TMEM132D: variants seen among roughly 807,000 people sequenced by gnomAD.
TMEM132D encodes the protein transmembrane protein 132D, also known as mature OL transmembrane protein.
TMEM132D carries 21 observed loss-of-function variants against 62.3 expected under a neutral mutation model. The ratio of observed to expected loss-of-function variants is 0.34; its 90% CI spans 0.24 to 0.49. The LOEUF (loss-of-function observed/expected upper bound fraction) is 0.49, where lower values mean the gene tolerates loss of function less well. TMEM132D is among the 20% of genes least tolerant of loss of function. The pLI, the probability that TMEM132D is intolerant of heterozygous loss-of-function variation, is 0.99. For synonymous variants in TMEM132D, 621 were observed against 575.6 expected (o/e 1.08, Z -1.13); for missense variants, 1,346 against 1,402.8 (o/e 0.96, Z 0.65).
chr12:129,744,542 T>C (rs972206821), intron 1 of TMEM132D, among the ~76,000 whole-genome samples: 1 of 152,122 alleles, frequency 6.6e-6, no homozygotes, highest in African/African-American at 2.4e-5. Context: ...AATATCACAG[T>C]GTCATCAAGC....
chr12:129,466,157 T>C (rs774219859), intron 3 of TMEM132D, among the ~76,000 whole-genome samples: 3 of 152,218 alleles, frequency 2.0e-5, no homozygotes, highest in Non-Finnish European at 2.9e-5. Context: ...ATTGTTATCA[T>C]TATTTTCTGC....
At position 129,133,733 on chromosome 12, in the gene TMEM132D, C is replaced by T. The variant is rs570399836; in HGVS notation, c.1444-49031G>A. 9.2e-4 allele frequency among the ~76,000 whole-genome samples: 140 copies of T among 152,370 alleles called. 1 individual carries two copies. The highest frequency in any genetic ancestry group is 2.6e-3 in the African/African-American group (107 of 41,586). On this transcript the variant is annotated intron_variant, in intron 5 of 8. Transcript: ENST00000422113. ...AGGAATTTGGTGTGTGGTGGGCCCCCAGTCCCTGCATAGGCACTTGGCTCA... is the reference window on the plus strand; with the variant it reads ...AGGAATTTGGTGTGTGGTGGGCCCCTAGTCCCTGCATAGGCACTTGGCTCA...
intron 2 of TMEM132D, among the ~76,000 whole-genome samples, chr12:129,680,752 A>G (rs264509): frequency 0.65 from 99,209 of 152,078 alleles, 32,668 homozygotes; most frequent in Admixed American, 0.74. Context: ...GGATGGTGAC[A>G]CAGCCCAAGT....
chr12:129,620,739 C>CA (rs1279347616), intron 2 of TMEM132D, among the ~76,000 whole-genome samples: 1 of 152,224 alleles, frequency 6.6e-6, no homozygotes, highest in African/African-American at 2.4e-5. Flanking sequence ...CCAAACACCA[C>CA]ATGTTCTCAC....
At chr12:129,379,936 G>A (rs146114988) in intron 3 of TMEM132D, among the ~76,000 whole-genome samples, 310 of 152,288 alleles carry the variant, frequency 2.0e-3, no homozygotes, top group African/African-American at 7.2e-3. Flanking sequence ...GGTTGGAAAT[G>A]CCATAAGCAA....
chr12:129,707,771 G>A (rs1881541189), intron 1 of TMEM132D, among the ~76,000 whole-genome samples: 1 of 152,112 alleles, frequency 6.6e-6, no homozygotes, highest in South Asian at 2.1e-4. Flanking sequence ...AGATATTTGC[G>A]CTGGACGCAG....
chr12:129,207,366 A>ACCGCCCTCATGGAGTTTAGATTCCAATG (rs1363431517), intron 5 of TMEM132D, among the ~76,000 whole-genome samples: 1 of 152,232 alleles, frequency 6.6e-6, no homozygotes, highest in African/African-American at 2.4e-5. Context: ...TGAATACAAC[A>ACCGCCCTCATGGAGTTTAGATTCCAATG]AACAAAAATA....
chr12:129,402,209 C>T (rs1871644264), intron 3 of TMEM132D, among the ~76,000 whole-genome samples: 1 of 152,190 alleles, frequency 6.6e-6, no homozygotes, highest in Admixed American at 6.5e-5. Flanking sequence ...AGACGGGGAA[C>T]TCTTCTGAGA....
chr12:129,213,897 G>A (rs962019112), intron 4 of TMEM132D, among the ~76,000 whole-genome samples: 1 of 152,192 alleles, frequency 6.6e-6, no homozygotes, highest in Non-Finnish European at 1.5e-5. Context: ...GTGTGTAAAT[G>A]TGTATGTATC....
At chr12:129,344,720 T>C (rs1221227780) in intron 3 of TMEM132D, among the ~76,000 whole-genome samples, 1 of 152,096 alleles carries the variant, frequency 6.6e-6, no homozygotes, top group Admixed American at 6.6e-5. Context: ...ATGAATCAAT[T>C]TCTTGGTTGC....
intron 1 of TMEM132D, among the ~76,000 whole-genome samples, chr12:129,743,804 A>G (rs1483964144): frequency 6.6e-6 from 1 of 152,174 alleles, no homozygotes. Context: ...GAAAGAGGGG[A>G]CATCATAATG....
chr12:129,265,062 GA>G (rs547476870), intron 4 of TMEM132D, among the ~76,000 whole-genome samples: 3,931 of 151,022 alleles, frequency 0.026, 59 homozygotes, highest in African/African-American at 0.034. Context: ...ATAACTTATG[GA>G]AAAAAAAATC....
At chr12:129,374,660 G>A (rs375733389) in intron 3 of TMEM132D, among the ~76,000 whole-genome samples, 31 of 152,264 alleles carry the variant, frequency 2.0e-4, no homozygotes, top group African/African-American at 6.5e-4. Flanking sequence ...GAGGCTGCCC[G>A]TGAGTACTTC....
At chr12:129,455,609 G>GTAT (rs1290921181) in intron 3 of TMEM132D, among the ~76,000 whole-genome samples, 1 of 152,166 alleles carries the variant, frequency 6.6e-6, no homozygotes, top group Non-Finnish European at 1.5e-5. Context: ...ACTGGGTATT[G>GTAT]TATTATTACC....
chr12:129,089,434 C>T lies in TMEM132D; in HGVS notation c.1444-4732G>A, dbSNP rs1470097299. Among the ~76,000 whole-genome samples the T allele has an allele frequency of 2.6e-5, 2 of 76,108 alleles. 1 individual carries two copies. The highest frequency in any genetic ancestry group is 4.9e-5 in the Non-Finnish European group (2 of 40,432). The allele number at this position is 76,108 out of a possible 152,430, so 49.9% of individuals were successfully genotyped here. On this transcript the variant is annotated intron_variant, in intron 5 of 8. Coordinates refer to ENST00000422113, the MANE Select transcript of TMEM132D (RefSeq NM_133448.3). ...GGATGTCCTCCATGACCGGGGTGTCCTCCATGACCGGGGTGTCCTCTATGA... is the reference window on the plus strand; with the variant it reads ...GGATGTCCTCCATGACCGGGGTGTCTTCCATGACCGGGGTGTCCTCTATGA...
At chr12:129,377,283 A>C (rs528768484) in intron 3 of TMEM132D, among the ~76,000 whole-genome samples, 7 of 152,170 alleles carry the variant, frequency 4.6e-5, no homozygotes, top group Admixed American at 1.3e-4. Flanking sequence ...TCCAGCCTCC[A>C]GAACTGTGAG....
intron 1 of TMEM132D, among the ~76,000 whole-genome samples, chr12:129,817,988 G>A (rs115671773): frequency 2.1e-5 from 3 of 142,780 alleles, no homozygotes; most frequent in African/African-American, 7.5e-5. Flanking sequence ...TGTGGTGTGT[G>A]TGTGGTGTAA....
intron 1 of TMEM132D, among the ~76,000 whole-genome samples, chr12:129,701,353 TA>T (rs761320586): frequency 6.6e-4 from 101 of 151,970 alleles, no homozygotes; most frequent in Middle Eastern, 3.4e-3. Flanking sequence ...GCAGAGAAAA[TA>T]CCTTGGAAGG....
chr12:129,867,143 C>T lies in TMEM132D; in HGVS notation c.79+36118G>A, dbSNP rs1485849237. Among the ~76,000 whole-genome samples, 2 of 152,008 alleles carry T rather than the reference C, an allele frequency of 1.3e-5. No homozygotes were observed. Among genetic ancestry groups the T allele is most frequent in the African/African-American group, 2.4e-5 (1 of 41,394 alleles). On this transcript the variant is annotated intron_variant, in intron 1 of 8. Transcript: ENST00000422113. This position sits in a 1 kb window ranked among gnomAD's most constrained non-coding sequence, Gnocchi z 4.5. The stretch of plus-strand genomic sequence containing the variant: ...GGCACGGTGGTATGTGCCTGTAGTC[C>T]TAGCTACATGGGAGGCTGAGGCAGG...
Sources: gnomAD v4.1 joint callset for allele counts (sites outside exome capture counted in the v4.1 genomes callset) on GRCh38, gnomAD v4.1.1 for gene constraint, Gnocchi (gnomAD v3.1) non-coding constraint, MANE v1.5 for transcripts, NCBI Gene and HGNC (gene_info 2026-07-23, HGNC 2026-07-21) for gene names.